ATAD2B: variants seen among roughly 807,000 people sequenced by gnomAD.
ATAD2B encodes the protein ATPase family AAA domain containing 2B, also known as ATPase family AAA domain-containing protein 2B.
Under a neutral mutation model 167.6 loss-of-function variants are expected in ATAD2B, and 40 were observed. That is an observed-to-expected ratio of 0.24 (90% CI 0.19 to 0.31). The LOEUF (loss-of-function observed/expected upper bound fraction) is 0.31. Among genes scored for constraint, ATAD2B ranks in the 10% least tolerant of loss-of-function variants. The pLI, the probability that ATAD2B is intolerant of heterozygous loss-of-function variation, is 1.00. For synonymous variants in ATAD2B, 579 were observed against 596.5 expected, an observed-to-expected ratio of 0.97 and a Z score of 0.43; for missense variants, 1,242 against 1,757.2, an observed-to-expected ratio of 0.71 and a Z score of 5.24.
intron 19 of ATAD2B, among the ~76,000 whole-genome samples, chr2:23,796,485 A>G (rs943138052): frequency 1.3e-5 from 2 of 152,208 alleles, no homozygotes; most frequent in Admixed American, 1.3e-4. Context: ...GGTAAAATAA[A>G]AACTGCTTAT....
intron 17 of ATAD2B, among the ~76,000 whole-genome samples, chr2:23,812,308 C>A (rs1274108518): frequency 5.4e-4 from 76 of 140,738 alleles, no homozygotes; most frequent in Admixed American, 9.9e-4. Context: ...CTATTCACTG[C>A]AAAAAAAAAA....
chr2:23,697,645 C>G, the ATAD2B span: 1 of 152,206 alleles, frequency 6.6e-6, no homozygotes, highest in African/African-American at 2.4e-5. Flanking sequence ...TCTGAATGCT[C>G]ATTGTGGGCT....
At chr2:23,887,636 A>G (rs961930044) in intron 4 of ATAD2B, among the ~76,000 whole-genome samples, 196 bp downstream of exon 4, 1 of 152,200 alleles carries the variant, frequency 6.6e-6, no homozygotes, top group African/African-American at 2.4e-5. Flanking sequence ...ACTAGCTAAG[A>G]GACTCAATCC....
intron 22 of ATAD2B, among the ~76,000 whole-genome samples, chr2:23,765,831 A>C (rs1004502942): frequency 5.3e-5 from 8 of 152,308 alleles, no homozygotes; most frequent in African/African-American, 1.9e-4. Context: ...ATACTTTAAG[A>C]ACCTCAAAGG....
Position 23,911,809 on chromosome 2 carries a change from T to C in ATAD2B, c.216+14746A>G, listed in dbSNP as rs188588191. ...GGCCAACATGGTGAAACCTTGTCTC[T>C]ACTAAAAATACAAAAATTAGCCAGG... On this transcript the variant is annotated intron_variant, in intron 1 of 27. Transcript: ENST00000238789. Among the ~76,000 whole-genome samples, 461 of 152,020 alleles carry C rather than the reference T, an allele frequency of 3.0e-3. 1 individual carries two copies. Among genetic ancestry groups the C allele is most frequent in the Admixed American group, 4.9e-3 (75 of 15,260 alleles).
intron 26 of ATAD2B, 146 bp from the exon 27 acceptor site, chr2:23,754,453 T>A (rs1209362253): frequency 1.8e-6 from 2 of 1,141,852 alleles, no homozygotes; most frequent in African/African-American, 3.2e-5. Context: ...CTTAAAATCA[T>A]TCCCTTAGAA....
rs1704974808 is a variant in ATAD2B at position 23,926,939 on chromosome 2, G to A, written c.-169C>T. ...CAAGAGAGAGCCGGGCAGAGGAAGG[G>A]AAGTCGGCGTGAGCAGGCGGCGTGC... On this transcript the variant is annotated 5_prime_UTR_variant, in exon 1 of 28. Coordinates refer to ENST00000238789, the MANE Select transcript of ATAD2B (RefSeq NM_017552.4). 1 of 803,460 alleles carries A rather than the reference G, an allele frequency of 1.2e-6. No homozygotes were observed. Among genetic ancestry groups the A allele is most frequent in the African/African-American group, 1.8e-5 (1 of 54,220 alleles). 49.8% of individuals were successfully genotyped at this position (803,460 alleles called of 1,614,324 possible). A position where few individuals can be genotyped will look rare whatever the true frequency, so the allele number is the denominator to read the frequency against.
rs375296817 is a variant in ATAD2B at position 23,855,641 on chromosome 2, C to T, written c.1568+1774G>A. On this transcript the variant is annotated intron_variant, in intron 13 of 27. Transcript: ENST00000238789. The stretch of plus-strand genomic sequence containing the variant: ...ATGTCCACACAAAAACTTGTAGAGA[C>T]GCTTTGAGAGGCCAAGATGGAGGGC... Among the ~76,000 whole-genome samples the T allele has an allele frequency of 6.1e-4, 93 of 152,312 alleles. 1 individual carries two copies. Among genetic ancestry groups the T allele is most frequent in the African/African-American group, 2.1e-3 (87 of 41,558 alleles).
chr2:23,778,156 GAT>G (rs2149370649), intron 22 of ATAD2B, among the ~76,000 whole-genome samples: 1 of 151,982 alleles, frequency 6.6e-6, no homozygotes, highest in South Asian at 2.1e-4. Flanking sequence ...CTTGATGAAA[GAT>G]ATGAAAAAAA....
intron 17 of ATAD2B, among the ~76,000 whole-genome samples, chr2:23,818,179 GGGAGAGAC>G (rs1220701053): frequency 1.2e-5 from 1 of 86,638 alleles, no homozygotes; most frequent in Non-Finnish European, 2.4e-5. Flanking sequence ...GAGAGGGAGA[GGGAGAGAC>G]GGAGGGAGGG....
chr2:23,797,833 C>T (rs1276058633), intron 19 of ATAD2B, among the ~76,000 whole-genome samples: 1 of 152,084 alleles, frequency 6.6e-6, no homozygotes, highest in African/African-American at 2.4e-5. Flanking sequence ...CATGTCAGCA[C>T]TCAAAGAAGT....
intron 17 of ATAD2B, among the ~76,000 whole-genome samples, chr2:23,815,031 G>A (rs968821394): frequency 2.0e-5 from 3 of 150,576 alleles, no homozygotes; most frequent in African/African-American, 7.3e-5. Flanking sequence ...ACTCCAGCCT[G>A]GGCAAAAAGA....
the ATAD2B span, among the ~76,000 whole-genome samples, chr2:23,732,251 A>C: frequency 1.3e-5 from 2 of 152,232 alleles, no homozygotes; most frequent in South Asian, 4.1e-4. Context: ...TGGTTTCTTC[A>C]ACAAATTAAT....
chr2:23,902,303 G>T (rs1311580303), intron 1 of ATAD2B, among the ~76,000 whole-genome samples: 2 of 152,160 alleles, frequency 1.3e-5, no homozygotes, highest in Admixed American at 1.3e-4. Flanking sequence ...CTATGACAGA[G>T]ACCTCAGAAT....
chr2:23,739,810 T>A, the ATAD2B span, among the ~76,000 whole-genome samples: 1 of 151,988 alleles, frequency 6.6e-6, no homozygotes, highest in Admixed American at 6.6e-5. Flanking sequence ...CTAGCAAGAC[T>A]AATAAAGAAG....
At chr2:23,774,959 A>T (rs1010992205) in intron 22 of ATAD2B, among the ~76,000 whole-genome samples, 1 of 152,170 alleles carries the variant, frequency 6.6e-6, no homozygotes, top group Non-Finnish European at 1.5e-5. Context: ...CTCATCGGCC[A>T]CATTTATTAA....
the ATAD2B span, among the ~76,000 whole-genome samples, chr2:23,712,804 G>A: frequency 6.6e-6 from 1 of 152,202 alleles, no homozygotes; most frequent in African/African-American, 2.4e-5. Flanking sequence ...AAGAATGTGT[G>A]TTCACCATCC....
At chr2:23,810,220 C>G (rs1038229390) in intron 18 of ATAD2B, 96 bp downstream of exon 18, 1 of 1,102,024 alleles carries the variant, frequency 9.1e-7, no homozygotes, top group African/African-American at 1.6e-5. Context: ...ATATCGTACT[C>G]TGAAAAAATC....
chr2:23,753,608 G>GA (rs1205149048), intron 27 of ATAD2B, among the ~76,000 whole-genome samples: 1 of 152,150 alleles, frequency 6.6e-6, no homozygotes. Flanking sequence ...CCTTGGTTTA[G>GA]AGTTGTCTAG....
Sources: allele counts gnomAD v4.1 joint callset (sites outside exome capture counted in the v4.1 genomes callset), GRCh38; gene constraint gnomAD v4.1.1; transcripts MANE v1.5; gene names NCBI Gene and HGNC (gene_info 2026-07-23, HGNC 2026-07-21).